DCAF6: variants seen among roughly 807,000 people sequenced by gnomAD.
DCAF6 encodes the protein DDB1- and CUL4-associated factor 6.
In DCAF6, 54 loss-of-function variants were observed where a neutral mutation model predicts 125.1. The observed-to-expected ratio is 0.43, with a 90% CI of 0.35 to 0.54. The LOEUF (loss-of-function observed/expected upper bound fraction) is 0.54. Ranked by LOEUF, DCAF6 falls within the 20% of genes least tolerant of loss-of-function variation. The pLI is 0.01. For synonymous variants in DCAF6, 371 were observed against 390.4 expected (o/e 0.95, Z 0.58); for missense variants, 934 against 1,161.7 (o/e 0.80, Z 2.85).
At chr1:168,048,303 G>A (rs145662996) in intron 16 of DCAF6, among the ~76,000 whole-genome samples, 419 of 152,292 alleles carry the variant, frequency 2.8e-3, no homozygotes, top group African/African-American at 9.8e-3. Flanking sequence ...GGGTAGAGAA[G>A]TGGTCCTAAA....
chr1:167,883,631 G>T, the DCAF6 span: 1 of 1,614,036 alleles, frequency 6.2e-7, no homozygotes, highest in African/African-American at 1.3e-5. Flanking sequence ...TTATCAATCT[G>T]CAAAGTAGAG....
chr1:167,918,095 G>A, the DCAF6 span: 6 of 424,494 alleles, frequency 1.4e-5, no homozygotes, highest in Admixed American at 8.2e-5. Context: ...GGTTTATTAC[G>A]GACAAATGGT....
the DCAF6 span, among the ~76,000 whole-genome samples, chr1:167,882,628 G>A: frequency 6.6e-6 from 1 of 152,110 alleles, no homozygotes; most frequent in South Asian, 2.1e-4. Context: ...TCTGGGGTAA[G>A]ATGGTTACTA....
chr1:167,996,886 T>C (rs1359686680), intron 7 of DCAF6, among the ~76,000 whole-genome samples: 4 of 152,214 alleles, frequency 2.6e-5, no homozygotes, highest in Admixed American at 2.6e-4. Flanking sequence ...GAAGCCCTAC[T>C]TCACCATCCT....
chr1:167,996,586 A>G (rs1571863584), intron 7 of DCAF6, among the ~76,000 whole-genome samples: 1 of 152,212 alleles, frequency 6.6e-6, no homozygotes, highest in East Asian at 1.9e-4. Context: ...AACATAAGTT[A>G]AATCATGCCG....
At chr1:167,936,145 T>G (rs1044731715), upstream of DCAF6, 11 of 348,682 alleles carry the variant, frequency 3.2e-5, no homozygotes, top group African/African-American at 8.7e-5. Flanking sequence ...AAGTCTGCGC[T>G]GCGCCCTGCT....
intron 16 of DCAF6, among the ~76,000 whole-genome samples, chr1:168,049,431 G>GTTTTTTTTTTTTTTT (rs11369573): frequency 9.9e-6 from 1 of 101,234 alleles, no homozygotes; most frequent in Non-Finnish European, 1.9e-5. Context: ...TGTTGTTGTT[G>GTTTTTTTTTTTTTTT]TTTTTTTTTT....
intron 4 of DCAF6, among the ~76,000 whole-genome samples, chr1:167,986,229 G>A (rs919674456): frequency 5.3e-5 from 8 of 152,196 alleles, no homozygotes; most frequent in Non-Finnish European, 1.0e-4. Context: ...TAGTGGAACT[G>A]CTGGGTTATA....
chr1:167,972,209 C>G (rs1301796426), intron 3 of DCAF6, among the ~76,000 whole-genome samples: 1 of 152,204 alleles, frequency 6.6e-6, no homozygotes, highest in Non-Finnish European at 1.5e-5. Flanking sequence ...TTTAATCAGC[C>G]TTATTGCTGT....
the DCAF6 span, among the ~76,000 whole-genome samples, chr1:167,873,056 T>G: frequency 4.8e-4 from 73 of 151,360 alleles, no homozygotes; most frequent in African/African-American, 1.7e-3. Flanking sequence ...GGCGACAGAG[T>G]GAGACTCTGT....
intron 2 of DCAF6, among the ~76,000 whole-genome samples, chr1:167,952,218 T>C (rs145749410): frequency 0.015 from 2,288 of 151,978 alleles, 55 homozygotes; most frequent in African/African-American, 0.051. Flanking sequence ...TTTTTGTTTT[T>C]GAGACAGAGT....
chr1:168,045,392 GTATTA>G (rs1185445300), intron 16 of DCAF6, among the ~76,000 whole-genome samples, 165 bp downstream of exon 16: 6 of 152,238 alleles, frequency 3.9e-5, no homozygotes, highest in African/African-American at 9.6e-5. Flanking sequence ...ATGATTTTAC[GTATTA>G]TATTCTTTGA....
Position 168,059,067 on chromosome 1 carries a change from TATCA to T in DCAF6, c.2301-4550_2301-4547del, listed in dbSNP as rs1428447529. Reference sequence around the variant, plus strand: ...CATTTTTAATTTTCACATTAAATTTTATCAATCTTTTATGCTTGTCACTTTCTTT... The same window carrying T: ...CATTTTTAATTTTCACATTAAATTTTATCTTTTATGCTTGTCACTTTCTTT... On this transcript the variant is annotated intron_variant, in intron 17 of 21. Coordinates refer to ENST00000367840, the MANE Select transcript of DCAF6 (RefSeq NM_001198956.2). 3.3e-5 allele frequency among the ~76,000 whole-genome samples: 5 copies of T among 152,346 alleles called. No individual in the cohort carries two copies. The East Asian group carries it at 5.8e-4, about 18-fold the overall frequency.
chr1:168,050,216 G>A (rs923504266), intron 16 of DCAF6, among the ~76,000 whole-genome samples: 1 of 152,018 alleles, frequency 6.6e-6, no homozygotes, highest in Non-Finnish European at 1.5e-5. Flanking sequence ...AACTTTTAAA[G>A]TGTTATTTTC....
chr1:168,045,225 T>C lies in DCAF6; in HGVS notation c.2256T>C (p.Asp752=), dbSNP rs112314786. The change falls in exon 16 of 22, where the codon GAT becomes GAC. Residue 752 remains aspartate, a splice_region_variant and synonymous_variant. Transcript: ENST00000367840. ...CAAGGTATCGAGCAGGACCTGGTGA[T>C]AGGTTGGTAAATTTTTAATTAACAT... ...PGARYRAGPG[D]RFNIRGTTIG... 876 of 1,585,246 alleles carry C rather than the reference T, an allele frequency of 5.5e-4. 1 individual carries two copies. The African/African-American group carries it at 0.011, about 20-fold the overall frequency.
At chr1:167,935,788 A>G, upstream of DCAF6, 1 of 1,562,364 alleles carries the variant, frequency 6.4e-7, no homozygotes, top group Non-Finnish European at 8.7e-7. Flanking sequence ...GCTCCACTTT[A>G]TCGAGGAGCC....
intron 15 of DCAF6, 57 bp downstream of exon 15, chr1:168,044,728 A>G (rs185826072): frequency 2.2e-5 from 33 of 1,487,306 alleles, no homozygotes; most frequent in South Asian, 1.8e-4. Flanking sequence ...GCCTTAATCT[A>G]TGTTAATCTC....
At chr1:167,924,653 C>T in the DCAF6 span, 2 of 689,592 alleles carry the variant, frequency 2.9e-6, no homozygotes, top group Non-Finnish European at 4.7e-6. Context: ...TTTTTAACCA[C>T]TTTTACTATG....
chr1:167,883,318 G>C, the DCAF6 span: 3 of 1,148,966 alleles, frequency 2.6e-6, no homozygotes. Context: ...GATTACAGGC[G>C]TGAGCCACCA....
Sources: gnomAD v4.1 joint callset for allele counts (sites outside exome capture counted in the v4.1 genomes callset) on GRCh38, gnomAD v4.1.1 for gene constraint, MANE v1.5 for transcripts, NCBI Gene and HGNC (gene_info 2026-07-23, HGNC 2026-07-21) for gene names.